SLC24A5: variants seen among roughly 807,000 people sequenced by gnomAD.
The protein encoded by SLC24A5 is sodium/potassium/calcium exchanger 5.
SLC24A5 carries 46 observed loss-of-function variants against 51.6 expected under a neutral mutation model. The observed-to-expected ratio is 0.89, with a 90% confidence interval of 0.70 to 1.14. The LOEUF (loss-of-function observed/expected upper bound fraction) is 1.14, where lower values mean the gene tolerates loss of function less well. Among genes scored for constraint, SLC24A5 ranks in the 50% most tolerant of loss-of-function variants. The probability of loss-of-function intolerance (pLI) is 0.00; values close to 1 mark genes in which losing one functional copy is unlikely to be tolerated. For synonymous variants in SLC24A5, 230 were observed against 214.9 expected (o/e 1.07, Z -0.62); for missense variants, 581 against 604.1 (o/e 0.96, Z 0.40).
At chr15:48,141,294 T>C in intron 8 of SLC24A5, 80 bp downstream of exon 8, 1 of 1,211,844 alleles carries the variant, frequency 8.3e-7, no homozygotes, top group East Asian at 2.4e-5. Flanking sequence ...AATGTTTACT[T>C]CCAGCCGGGT....
rs1008610386 is a variant in SLC24A5, at chr15:48,135,135, T to C, written c.590+151T>C. The C allele has an allele frequency of 3.0e-5, 17 of 558,614 alleles. No individual in the cohort carries two copies. The East Asian group carries it at 3.7e-4, about 12-fold the overall frequency. 34.6% of individuals were successfully genotyped at this position (558,614 alleles called of 1,614,324 possible). ...GGTCTGTGAGTTAACCTCATCACAA[T>C]TGCTGATTGAGTTCTTCTCACTAGT... On this transcript the variant is annotated intron_variant, in intron 5 of 8. Coordinates refer to ENST00000341459, the MANE Select transcript of SLC24A5 (RefSeq NM_205850.3).
Position 48,142,643 on chromosome 15 carries a change from A to G in SLC24A5, c.*292A>G. 2 of 448,302 alleles carry G rather than the reference A, an allele frequency of 4.5e-6. No individual in the cohort carries two copies. Among genetic ancestry groups the G allele is most frequent in the Non-Finnish European group, 7.7e-6 (2 of 258,402 alleles). The allele number at this position is 448,302 out of a possible 1,614,324, so 27.8% of individuals were successfully genotyped here. On this transcript the variant is annotated 3_prime_UTR_variant, in exon 9 of 9. Transcript: ENST00000341459. ...ACAAATCCAACTATGTAGTACTGAA[A>G]ACAACAAGAAAATGGCTTATTTCAT...
intron 7 of SLC24A5, chr15:48,140,849 A>T (rs1376866291): frequency 1.8e-5 from 6 of 341,140 alleles, no homozygotes; most frequent in Non-Finnish European, 3.3e-5. Context: ...AGAATATCAA[A>T]CAGGAAAATT....
rs200860337 is a variant in SLC24A5 at position 48,134,252 on chromosome 15, G to A, written c.302-6G>A. ...TAGGCATAACAATCATTTCATTTAT[G>A]TTCAGCCCTTGGATTGTCTCAGGAT... On this transcript the variant is annotated splice_region_variant and splice_polypyrimidine_tract_variant and intron_variant, in intron 2 of 8. Coordinates refer to ENST00000341459, the MANE Select transcript of SLC24A5 (RefSeq NM_205850.3). 2 of 1,612,788 alleles carry A rather than the reference G, an allele frequency of 1.2e-6. No individual in the cohort carries two copies. The highest frequency in any genetic ancestry group is 2.2e-5 in the East Asian group (1 of 44,844).
intron 8 of SLC24A5, 165 bp from the exon 9 acceptor site, chr15:48,141,864 C>A: frequency 2.2e-6 from 1 of 461,952 alleles, no homozygotes; most frequent in Non-Finnish European, 3.8e-6. Context: ...AATACTAACC[C>A]AAGAAAAATT....
chr15:48,136,673 T>C lies in SLC24A5; in HGVS notation c.591-10T>C, dbSNP rs1361625267. The C allele has an allele frequency of 6.3e-7, 1 of 1,576,714 alleles. No individual in the cohort carries two copies. The highest frequency in any genetic ancestry group is 8.6e-7 in the Non-Finnish European group (1 of 1,162,392). ...CTTTTAATTTAAAAACACAAATTTC[T>C]CTTTTGTAGGTATGAAGGGGCTTTA... On this transcript the variant is annotated splice_polypyrimidine_tract_variant and intron_variant, in intron 5 of 8. Coordinates refer to ENST00000341459, the MANE Select transcript of SLC24A5 (RefSeq NM_205850.3).
intron 6 of SLC24A5, chr15:48,137,579 A>G (rs993138341): frequency 3.9e-5 from 6 of 152,214 alleles, no homozygotes; most frequent in Non-Finnish European, 5.9e-5. Context: ...AAGAGAGGCT[A>G]TTACAACAGC....
In SLC24A5 at chr15:48,138,954, C is replaced by T. The variant is rs1267489339; in HGVS notation, c.872-15C>T. On this transcript the variant is annotated splice_polypyrimidine_tract_variant and intron_variant, in intron 6 of 8. Transcript: ENST00000341459. ...ATTTGAGAAAACTCAAAAGTGTTTA[C>T]TTTTTCCACAACAGATCCACCAAGT... 2 of 1,593,578 alleles carry T rather than the reference C, an allele frequency of 1.3e-6. No individual in the cohort carries two copies. The highest frequency in any genetic ancestry group is 2.2e-5 in the East Asian group (1 of 44,588).
At chr15:48,127,829 A>C (rs1401183205) in intron 2 of SLC24A5, among the ~76,000 whole-genome samples, 1 of 152,092 alleles carries the variant, frequency 6.6e-6, no homozygotes, top group Non-Finnish European at 1.5e-5. Context: ...TCTCAAAATA[A>C]ATAAATAAAT....
intron 2 of SLC24A5, among the ~76,000 whole-genome samples, chr15:48,124,877 T>C (rs1015361525): frequency 2.0e-5 from 3 of 152,220 alleles, no homozygotes; most frequent in Non-Finnish European, 2.9e-5. Flanking sequence ...GACCCTCATC[T>C]TGAGTATTGA....
Position 48,142,401 on chromosome 15 carries a change from G to T in SLC24A5, c.*50G>T. 8.1e-7 allele frequency: 1 copy of T among 1,242,206 alleles called. No homozygotes were observed. The highest frequency in any genetic ancestry group is 1.1e-6 in the Non-Finnish European group (1 of 912,108). 76.9% of individuals were successfully genotyped at this position (1,242,206 alleles called of 1,614,324 possible). ...AATATGAATGGCAGGGAGGGGCAGA[G>T]AGAAAAATCCATTTCTTCATTTAAA... On this transcript the variant is annotated 3_prime_UTR_variant, in exon 9 of 9. Transcript: ENST00000341459.
Position 48,142,069 on chromosome 15 carries a change from T to C in SLC24A5, c.1221T>C (p.Asn407=). The C allele has an allele frequency of 6.2e-7, 1 of 1,613,662 alleles. No individual in the cohort carries two copies. Among genetic ancestry groups the C allele is most frequent in the East Asian group, 2.2e-5 (1 of 44,794 alleles). ...CTATGTCTAACATCGTGGGATCCAATGTGTTTGATATGTTGTGCCTTGGTA... is the reference window on the plus strand; with the variant it reads ...CTATGTCTAACATCGTGGGATCCAACGTGTTTGATATGTTGTGCCTTGGTA... The part of the protein sequence containing the change: ...DMAMSNIVGS[N]VFDMLCLGIP... The change falls in exon 9 of 9, where the codon AAT becomes AAC. Residue 407 remains asparagine (N), a synonymous_variant. Coordinates refer to ENST00000341459, the MANE Select transcript of SLC24A5 (RefSeq NM_205850.3).
Position 48,134,271 on chromosome 15 carries a change from T to G in SLC24A5, c.315T>G (p.Ser105=), listed in dbSNP as rs765151369. ...LEIISESLGL[S]QDVAGTTFMA... ...ATTTATGTTCAGCCCTTGGATTGTC[T>G]CAGGATGTTGCAGGCACAACTTTCA... is the stretch of plus-strand genomic sequence containing the variant. The change falls in exon 3 of 9, where the codon TCT becomes TCG. Residue 105 remains serine (S), a synonymous_variant. Coordinates refer to ENST00000341459, the MANE Select transcript of SLC24A5 (RefSeq NM_205850.3). 2.5e-6 allele frequency: 4 copies of G among 1,613,610 alleles called. No individual in the cohort carries two copies. In the East Asian group the frequency reaches 8.9e-5, roughly 36 times the overall value.
In SLC24A5 at chr15:48,121,901, G is replaced by T. The variant is rs1006909458; in HGVS notation, c.166G>T (p.Glu56Ter). 2 of 1,614,140 alleles carry T rather than the reference G, an allele frequency of 1.2e-6. No homozygotes were observed. The highest frequency in any genetic ancestry group is 1.1e-5 in the South Asian group (1 of 91,086). ...CVISPSSEFPEGFFTRQERRD... is the reference protein window; with the variant it reads ...CVISPSSEFP Reference sequence around the variant, plus strand: ...TATTTCTCCATCATCGGAGTTTCCCGAAGGGTTTTTCACGAGACAGGAGCG... The same window carrying T: ...TATTTCTCCATCATCGGAGTTTCCCTAAGGGTTTTTCACGAGACAGGAGCG... The change falls in exon 2 of 9, where the codon GAA (glutamate) becomes TAA (stop). Residue 56 changes from glutamate (E) to a stop codon, truncating the protein, a stop_gained. Transcript: ENST00000341459. LOFTEE classifies it high-confidence loss of function.
Position 48,136,819 on chromosome 15 carries a change from G to T in SLC24A5, c.727G>T (p.Glu243Ter). 9 of 1,613,802 alleles carry T rather than the reference G, an allele frequency of 5.6e-6. No individual in the cohort carries two copies. The highest frequency in any genetic ancestry group is 7.6e-6 in the Non-Finnish European group (9 of 1,179,836). The change falls in exon 6 of 9, where the codon GAA becomes TAA. Residue 243 changes from glutamate (E) to a stop codon, truncating the protein, a stop_gained. Transcript: ENST00000341459. LOFTEE classifies it high-confidence loss of function. ...ACLAKAMERSEQQPLMGWEDE... is the reference protein window; with the variant it reads ...ACLAKAMERS The stretch of plus-strand genomic sequence containing the variant: ...TCTTGCCAAAGCTATGGAGAGAAGT[G>T]AACAACAGCCACTGATGGGCTGGGA...
At chr15:48,134,131 G>A (rs958613197) in intron 2 of SLC24A5, 127 bp from the exon 3 acceptor site, 2 of 767,554 alleles carry the variant, frequency 2.6e-6, no homozygotes, top group Non-Finnish European at 4.3e-6. Context: ...TTTAATCTGT[G>A]TATTTTATTT....
intron 6 of SLC24A5, chr15:48,138,405 T>A (rs1055219126): frequency 6.6e-6 from 1 of 152,130 alleles, no homozygotes; most frequent in African/African-American, 2.4e-5. Flanking sequence ...AGGTTATTTC[T>A]ATGAACTGTG....
At chr15:48,132,022 A>G (rs143259874) in intron 2 of SLC24A5, among the ~76,000 whole-genome samples, 44 of 152,262 alleles carry the variant, frequency 2.9e-4, no homozygotes, top group African/African-American at 9.9e-4. Flanking sequence ...TACTTCCCAC[A>G]TCTTTCAAAA....
Position 48,138,997 on chromosome 15 carries a change from A to G in SLC24A5, c.900A>G (p.Glu300=). 1 of 1,612,904 alleles carries G rather than the reference A, an allele frequency of 6.2e-7. No individual in the cohort carries two copies. Among genetic ancestry groups the G allele is most frequent in the Non-Finnish European group, 8.5e-7 (1 of 1,179,210 alleles). Residue 300 remains glutamate (E), a synonymous_variant, in exon 7 of 9, where the codon GAA becomes GAG. Coordinates refer to ENST00000341459, the MANE Select transcript of SLC24A5 (RefSeq NM_205850.3). ...EDPPSVFNMP[E]ADLKRIFWVL... Reference sequence around the variant, plus strand: ...CACCAAGTGTTTTCAACATGCCTGAAGCAGACTTAAAAAGAATTTTTTGGG... The same window carrying G: ...CACCAAGTGTTTTCAACATGCCTGAGGCAGACTTAAAAAGAATTTTTTGGG...
Sources: gnomAD v4.1 joint callset for allele counts (sites outside exome capture counted in the v4.1 genomes callset) on GRCh38, gnomAD v4.1.1 for gene constraint, MANE v1.5 for transcripts, NCBI Gene and HGNC (gene_info 2026-07-23, HGNC 2026-07-21) for gene names.